BLMH: variants seen among roughly 807,000 people sequenced by gnomAD.
The protein encoded by BLMH is bleomycin hydrolase, also known as BLM hydrolase.
BLMH carries 32 observed loss-of-function variants against 61.6 expected under a neutral mutation model. The ratio of observed to expected loss-of-function variants is 0.52; its 90% confidence interval spans 0.39 to 0.70. The LOEUF is 0.70. Among genes scored for constraint, BLMH ranks in the 30% least tolerant of loss-of-function variants. The pLI is 0.00. For missense variants in BLMH, 460 were observed against 555.5 expected (o/e 0.83, Z 1.73); for synonymous variants, 183 against 193.8 (o/e 0.94, Z 0.46).
intron 7 of BLMH, chr17:30,273,328 G>A (rs1908330561): frequency 6.2e-6 from 1 of 162,130 alleles, no homozygotes; most frequent in Non-Finnish European, 1.3e-5. Context: ...CACCATGCCT[G>A]GCTAATTTTT....
intron 4 of BLMH, among the ~76,000 whole-genome samples, chr17:30,287,366 A>T (rs1295094450): frequency 6.6e-6 from 1 of 152,096 alleles, no homozygotes; most frequent in Non-Finnish European, 1.5e-5. Context: ...TGTCTATGTT[A>T]TCCTTTTTAT....
At chr17:30,276,465 A>G (rs1908427704) in intron 6 of BLMH, among the ~76,000 whole-genome samples, 1 of 150,524 alleles carries the variant, frequency 6.6e-6, no homozygotes, top group African/African-American at 2.5e-5. Flanking sequence ...ATAAAAGATT[A>G]TACACTTCTT....
intron 5 of BLMH, among the ~76,000 whole-genome samples, chr17:30,286,244 A>G (rs762284563): frequency 2.6e-5 from 4 of 152,222 alleles, no homozygotes; most frequent in African/African-American, 4.8e-5. Context: ...CCTGGCTAGC[A>G]AAGCAGCATC....
intron 11 of BLMH, among the ~76,000 whole-genome samples, chr17:30,260,902 G>A (rs1377854859): frequency 2.0e-5 from 3 of 151,652 alleles, no homozygotes; most frequent in African/African-American, 7.3e-5. Context: ...CAACAACAAC[G>A]GCAACAAAAA....
intron 3 of BLMH, 81 bp downstream of exon 3, chr17:30,289,292 T>C (rs1025773827): frequency 6.6e-5 from 55 of 830,128 alleles, no homozygotes; most frequent in Non-Finnish European, 9.0e-5. Context: ...AGGCTATAAC[T>C]GGAAAAGCTA....
intron 10 of BLMH, 81 bp downstream of exon 10, chr17:30,271,190 A>G: frequency 9.4e-7 from 1 of 1,067,896 alleles, no homozygotes; most frequent in Non-Finnish European, 1.4e-6. Flanking sequence ...ACTATGAATG[A>G]AGCTTTGTTG....
intron 11 of BLMH, among the ~76,000 whole-genome samples, chr17:30,256,705 T>G (rs538809367): frequency 7.3e-5 from 11 of 151,546 alleles, no homozygotes; most frequent in Non-Finnish European, 1.5e-4. Flanking sequence ...CTTATAAACA[T>G]TTTTCTGCTA....
At chr17:30,276,016 A>T (rs779112487) in intron 6 of BLMH, among the ~76,000 whole-genome samples, 4 of 151,274 alleles carry the variant, frequency 2.6e-5, no homozygotes, top group Non-Finnish European at 5.9e-5. Context: ...ATTTCCCTCC[A>T]CTTCCCCTTC....
chr17:30,266,720 G>A (rs994699699), intron 11 of BLMH, among the ~76,000 whole-genome samples, 165 bp downstream of exon 11: 3 of 152,120 alleles, frequency 2.0e-5, no homozygotes, highest in Admixed American at 6.6e-5. Context: ...ATAATGGTCA[G>A]GAGAATCCTG....
At chr17:30,268,022 C>A (rs1908157583) in intron 10 of BLMH, among the ~76,000 whole-genome samples, 1 of 152,160 alleles carries the variant, frequency 6.6e-6, no homozygotes, top group Non-Finnish European at 1.5e-5. Context: ...GTTTCACACA[C>A]CCTTACCTGT....
chr17:30,285,068 A>T (rs1908690587), intron 6 of BLMH, among the ~76,000 whole-genome samples: 1 of 152,174 alleles, frequency 6.6e-6, no homozygotes, highest in Non-Finnish European at 1.5e-5. Context: ...CAAGAGACTG[A>T]GCTCTTTAAG....
Position 30,291,416 on chromosome 17 carries a change from G to A in BLMH, c.106C>T (p.Leu36=). The change falls in exon 2 of 12, where the codon CTG becomes TTG. Residue 36 remains leucine (L), a synonymous_variant. Coordinates refer to ENST00000261714, the MANE Select transcript of BLMH (RefSeq NM_000386.4). ...LAQNVGTTHD[L]LDICLKRATV... ...GCCCGCTTCAGACAGATGTCCAGCA[G>A]GTCGTGGGTGGTCCCGACATTCTGG... is the stretch of plus-strand genomic sequence containing the variant. 6.2e-7 allele frequency: 1 copy of A among 1,614,218 alleles called. No homozygotes were observed. Among genetic ancestry groups the A allele is most frequent in the Middle Eastern group, 1.6e-4 (1 of 6,062 alleles).
At chr17:30,283,511 C>G (rs2143036237) in intron 6 of BLMH, among the ~76,000 whole-genome samples, 1 of 151,158 alleles carries the variant, frequency 6.6e-6, no homozygotes, top group Admixed American at 6.6e-5. Flanking sequence ...TCCTACTATA[C>G]CTCCATCTTT....
At chr17:30,273,862 A>T in intron 7 of BLMH, 180 bp downstream of exon 7, 1 of 717,296 alleles carries the variant, frequency 1.4e-6, no homozygotes, top group Non-Finnish European at 2.3e-6. Flanking sequence ...AAAAGCTGAT[A>T]AATCCTGGCA....
At chr17:30,287,160 G>A (rs943633435) in intron 4 of BLMH, among the ~76,000 whole-genome samples, 3 of 151,922 alleles carry the variant, frequency 2.0e-5, no homozygotes, top group Non-Finnish European at 2.9e-5. Context: ...CCTGAGTAGC[G>A]GCAACTATGG....
intron 11 of BLMH, among the ~76,000 whole-genome samples, chr17:30,261,576 T>C (rs1907961499): frequency 6.6e-6 from 1 of 152,252 alleles, no homozygotes; most frequent in Non-Finnish European, 1.5e-5. Context: ...TTGTCCATGT[T>C]ATTGACATAG....
At chr17:30,258,960 A>G (rs1308397350) in intron 11 of BLMH, among the ~76,000 whole-genome samples, 2 of 151,826 alleles carry the variant, frequency 1.3e-5, no homozygotes, top group Admixed American at 6.6e-5. Context: ...CTCAGCCACC[A>G]TTTCTCTGGC....
chr17:30,274,408 T>C (rs569518147), intron 6 of BLMH, among the ~76,000 whole-genome samples: 1 of 152,334 alleles, frequency 6.6e-6, no homozygotes, highest in South Asian at 2.1e-4. Flanking sequence ...AAATAAACAC[T>C]GTGAACAATG....
At chr17:30,269,181 T>G (rs1023035349) in intron 10 of BLMH, among the ~76,000 whole-genome samples, 5 of 100,776 alleles carry the variant, frequency 5.0e-5, no homozygotes, top group Non-Finnish European at 1.2e-4. Context: ...TTATTTATTG[T>G]TTTTTTTTTT....
Sources: allele counts gnomAD v4.1 joint callset (sites outside exome capture counted in the v4.1 genomes callset), GRCh38; gene constraint gnomAD v4.1.1; transcripts MANE v1.5; gene names NCBI Gene and HGNC (gene_info 2026-07-23, HGNC 2026-07-21).